Variants in HERC2 observed in about 807,000 individuals in gnomAD.
The protein encoded by HERC2 is E3 ubiquitin-protein ligase HERC2.
In HERC2, 102 loss-of-function variants were observed where a neutral mutation model predicts 537.7. The observed-to-expected ratio is 0.19, with a 90% confidence interval of 0.16 to 0.22. HERC2 has a LOEUF of 0.22. Among genes scored for constraint, HERC2 ranks in the 10% least tolerant of loss-of-function variants. The probability of loss-of-function intolerance (pLI) is 1.00; values close to 1 mark genes in which losing one functional copy is unlikely to be tolerated. For missense variants in HERC2, 4,236 were observed against 6,198.2 expected (o/e 0.68, Z 10.63); for synonymous variants, 2,224 against 2,466.2 (o/e 0.90, Z 2.91).
At chr15:28,143,799 G>A in intron 74 of HERC2, 74 bp downstream of exon 74, 1 of 1,579,478 alleles carries the variant, frequency 6.3e-7, no homozygotes, top group Non-Finnish European at 8.7e-7. Flanking sequence ...ACGATTTAGA[G>A]GTTTAGACTA....
chr15:28,321,139 A>G (rs2077217399), intron 2 of HERC2, among the ~76,000 whole-genome samples: 1 of 152,200 alleles, frequency 6.6e-6, no homozygotes, highest in South Asian at 2.1e-4. Context: ...AATAGATCTC[A>G]AGTTTCGTGC....
chr15:28,305,774 A>T (rs1280795179), intron 2 of HERC2, among the ~76,000 whole-genome samples: 1 of 143,344 alleles, frequency 7.0e-6, no homozygotes, highest in Non-Finnish European at 1.5e-5. Context: ...TTCGCAACCT[A>T]CTCATCTGAC....
chr15:28,116,381 T>A (rs562845084), intron 88 of HERC2, among the ~76,000 whole-genome samples: 1 of 151,922 alleles, frequency 6.6e-6, no homozygotes, highest in Admixed American at 6.6e-5. Context: ...AGCCAGCTAA[T>A]TTTTTTTGTA....
chr15:28,130,608 A>G lies in HERC2; in HGVS notation c.12571-14T>C, dbSNP rs748190497. 18 of 1,569,022 alleles carry G rather than the reference A, an allele frequency of 1.1e-5. No homozygotes were observed. Among genetic ancestry groups the G allele is most frequent in the Non-Finnish European group, 1.5e-5 (17 of 1,138,992 alleles). On this transcript the variant is annotated splice_polypyrimidine_tract_variant and intron_variant, in intron 81 of 92. Transcript: ENST00000261609. ...AAGAGAATCAATCTAGAGGGGGAAA[A>G]GGTTCAATTAGACAGACAGCAACAA...
intron 65 of HERC2, among the ~76,000 whole-genome samples, chr15:28,172,977 C>G (rs944247583): frequency 2.0e-5 from 3 of 152,162 alleles, no homozygotes; most frequent in Non-Finnish European, 4.4e-5. Context: ...AAAAAGGTAT[C>G]TGATTCGTAA....
At position 28,169,524 on chromosome 15, in the gene HERC2, A is replaced by G; in HGVS notation, c.10189T>C (p.Leu3397=). The G allele has an allele frequency of 1.9e-6, 3 of 1,611,056 alleles. No homozygotes were observed. Among genetic ancestry groups the G allele is most frequent in the Non-Finnish European group, 2.5e-6 (3 of 1,177,924 alleles). The change falls in exon 66 of 93, where the codon TTA becomes CTA. Residue 3397 remains leucine, a synonymous_variant. Coordinates refer to ENST00000261609, the MANE Select transcript of HERC2 (RefSeq NM_004667.6). ...LDGNLAKQQA[L]SHILTALQIM... is the part of the protein sequence containing the mutation. ...TGCAATGCTGTAAGAATATGTGATA[A>G]GGCCTGCTGTTTGGCCAGATTTCCA...
At chr15:28,144,272 A>G (rs1891512123) in intron 72 of HERC2, 37 bp from the exon 73 acceptor site, 1 of 1,605,372 alleles carries the variant, frequency 6.2e-7, no homozygotes, top group Non-Finnish European at 8.5e-7. Context: ...CGGGTTTCAC[A>G]AGCTAGGTAC....
chr15:28,236,851 C>G lies in HERC2; in HGVS notation c.4003+112G>C, dbSNP rs4035914. On this transcript the variant is annotated intron_variant, in intron 26 of 92. Transcript: ENST00000261609. The stretch of plus-strand genomic sequence containing the variant: ...AATCCACGTGCCACAACCTCCCAAA[C>G]TGCTGGGATTACAGGCATGAACCAC... 6.7e-3 allele frequency: 4,862 copies of G among 727,108 alleles called. 178 individuals are homozygous for G. The African/African-American group carries it at 0.077, about 11-fold the overall frequency. 45.0% of individuals were successfully genotyped at this position (727,108 alleles called of 1,614,324 possible).
rs537906984 is a variant in HERC2 at position 28,159,952 on chromosome 15, T to A, written c.10746+3142A>T. Among the ~76,000 whole-genome samples the A allele has an allele frequency of 1.3e-4, 20 of 152,354 alleles. No homozygotes were observed. The East Asian group carries it at 3.5e-3, about 26-fold the overall frequency. ...TGTTTGTTAGTTTTCCTTCTAACAG[T>A]CAGGACCCTCAGCTGCAGGTCTGTT... is the stretch of plus-strand genomic sequence containing the variant. On this transcript the variant is annotated intron_variant, in intron 69 of 92. Coordinates refer to ENST00000261609, the MANE Select transcript of HERC2 (RefSeq NM_004667.6).
chr15:28,147,280 GA>G (rs1395108185), intron 70 of HERC2, among the ~76,000 whole-genome samples: 1 of 152,186 alleles, frequency 6.6e-6, no homozygotes, highest in Non-Finnish European at 1.5e-5. Context: ...AGGCTGACTA[GA>G]AATACCCTTT....
chr15:28,156,680 A>C (rs1216787485), intron 69 of HERC2, among the ~76,000 whole-genome samples: 1 of 152,218 alleles, frequency 6.6e-6, no homozygotes, highest in Non-Finnish European at 1.5e-5. Flanking sequence ...CTAGATATAC[A>C]ATCATGTCAT....
chr15:28,202,165 T>C lies in HERC2; in HGVS notation c.7565A>G (p.Glu2522Gly). ...ELSDADTVSDEYSDEEVVEDV... is the reference protein window; with the variant it reads ...ELSDADTVSDGYSDEEVVEDV... Reference sequence around the variant, plus strand: ...CTCCACCACCTCCTCGTCAGAATACTCGTCGGACACCGTGTCTGCATCTGA... The same window carrying C: ...CTCCACCACCTCCTCGTCAGAATACCCGTCGGACACCGTGTCTGCATCTGA... Residue 2522 changes from glutamate to glycine, a missense_variant, in exon 47 of 93, where the codon GAG becomes GGG. Glu to Gly is a moderately conservative substitution (Grantham distance 98, BLOSUM62 -2). Transcript: ENST00000261609. 1 of 1,583,542 alleles carries C rather than the reference T, an allele frequency of 6.3e-7. No individual in the cohort carries two copies. Among genetic ancestry groups the C allele is most frequent in the East Asian group, 2.2e-5 (1 of 44,622 alleles).
At chr15:28,241,630 G>A (rs1903133351) in intron 23 of HERC2, among the ~76,000 whole-genome samples, 1 of 152,076 alleles carries the variant, frequency 6.6e-6, no homozygotes, top group Non-Finnish European at 1.5e-5. Flanking sequence ...GACCATCCTG[G>A]CCAACATGGT....
At chr15:28,321,014 GTTAAC>G (rs2077214429) in intron 2 of HERC2, among the ~76,000 whole-genome samples, 1 of 151,808 alleles carries the variant, frequency 6.6e-6, no homozygotes, top group Non-Finnish European at 1.5e-5. Flanking sequence ...CCCCTCCACA[GTTAAC>G]TCAACAGCTC....
intron 50 of HERC2, 72 bp downstream of exon 50, chr15:28,198,306 A>G: frequency 3.3e-6 from 5 of 1,509,770 alleles, no homozygotes; most frequent in Non-Finnish European, 3.6e-6. Flanking sequence ...TGCTTGAACA[A>G]AAAGAAATAC....
intron 52 of HERC2, among the ~76,000 whole-genome samples, chr15:28,194,762 G>A (rs1449583951): frequency 7.9e-5 from 12 of 152,122 alleles, no homozygotes; most frequent in Admixed American, 3.9e-4. Flanking sequence ...TATATAAAAT[G>A]TATAAAATTT....
Position 28,138,665 on chromosome 15 carries a change from A to C in HERC2, c.12015+2767T>G, listed in dbSNP as rs187573354. Among the ~76,000 whole-genome samples, 514 of 152,376 alleles carry C rather than the reference A, an allele frequency of 3.4e-3. 6 individuals are homozygous for C. The highest frequency in any genetic ancestry group is 0.011 in the African/African-American group (477 of 41,584). The stretch of plus-strand genomic sequence containing the variant: ...CCCAAGAGCTCTGATGAACATGTAC[A>C]AAGAGATTAAAGTTGTTTTCATGCC... On this transcript the variant is annotated intron_variant, in intron 78 of 92. Transcript: ENST00000261609.
In HERC2 at chr15:28,215,740, G is replaced by A. The variant is rs746861653; in HGVS notation, c.6091C>T (p.Arg2031Trp). The A allele has an allele frequency of 8.1e-6, 13 of 1,611,936 alleles. No homozygotes were observed. Among genetic ancestry groups the A allele is most frequent in the South Asian group, 1.1e-5 (1 of 90,984 alleles). ...ACCTGCGGCGTGAGAGCGATGCTCC[G>A]CACAAACCCCAGCGTGCACCAGCTC... The part of the protein sequence containing the change: ...HRSWCTLGFV[R>W]SIALTPQVCG... The change falls in exon 39 of 93, where the codon CGG becomes TGG. Residue 2031 changes from arginine to tryptophan, a missense_variant. Physicochemically the swap from Arg to Trp is moderately radical, Grantham distance 101. Coordinates refer to ENST00000261609, the MANE Select transcript of HERC2 (RefSeq NM_004667.6).
chr15:28,127,173 C>T (rs1188405693), intron 83 of HERC2, among the ~76,000 whole-genome samples: 1 of 152,220 alleles, frequency 6.6e-6, no homozygotes, highest in African/African-American at 2.4e-5. Context: ...GCTCTCCACA[C>T]GTTGGTCCTA....
Sources: allele counts gnomAD v4.1 joint callset (sites outside exome capture counted in the v4.1 genomes callset), GRCh38; gene constraint gnomAD v4.1.1; transcripts MANE v1.5; gene names NCBI Gene and HGNC (gene_info 2026-07-23, HGNC 2026-07-21).